SYNE2: variants seen among roughly 807,000 people sequenced by gnomAD.
SYNE2 encodes the protein spectrin repeat containing nuclear envelope protein 2.
A neutral mutation model predicts 856.3 loss-of-function variants in SYNE2; 431 were observed. That is an observed-to-expected ratio of 0.50 (90% CI 0.47 to 0.55). The LOEUF (loss-of-function observed/expected upper bound fraction) is 0.55, where lower values mean the gene tolerates loss of function less well. SYNE2 is among the 20% of genes least tolerant of loss of function. The probability of loss-of-function intolerance (pLI) is 0.00; values close to 1 mark genes in which losing one functional copy is unlikely to be tolerated. For missense variants in SYNE2, 8,129 were observed against 8,023.2 expected, an observed-to-expected ratio of 1.01 and a Z score of -0.50; for synonymous variants, 2,923 against 2,872.3, an observed-to-expected ratio of 1.02 and a Z score of -0.56.
intron 43 of SYNE2, among the ~76,000 whole-genome samples, chr14:64,029,442 C>G (rs2097013204): frequency 6.6e-6 from 1 of 152,140 alleles, no homozygotes; most frequent in Non-Finnish European, 1.5e-5. Context: ...TCCTAACACA[C>G]AGGTTTGGAG....
intron 11 of SYNE2, among the ~76,000 whole-genome samples, chr14:63,974,992 C>T (rs1223819516): frequency 2.7e-5 from 4 of 148,346 alleles, no homozygotes; most frequent in Admixed American, 2.0e-4. Flanking sequence ...CTGCAACCTC[C>T]GCCTGCCTGG....
intron 8 of SYNE2, among the ~76,000 whole-genome samples, chr14:63,958,347 G>A (rs1436572315): frequency 6.6e-6 from 1 of 152,084 alleles, no homozygotes; most frequent in Non-Finnish European, 1.5e-5. Flanking sequence ...TGACTGTGAC[G>A]GTTTCCCAGA....
At chr14:64,016,131 CT>C (rs1166359649) in intron 32 of SYNE2, among the ~76,000 whole-genome samples, 33 of 145,020 alleles carry the variant, frequency 2.3e-4, no homozygotes, top group South Asian at 4.4e-4. Flanking sequence ...GATGTAGGGA[CT>C]TTTTTTTTTA....
At chr14:64,154,274 G>C (rs1185962261) in intron 85 of SYNE2, among the ~76,000 whole-genome samples, 1 of 151,224 alleles carries the variant, frequency 6.6e-6, no homozygotes, top group Non-Finnish European at 1.5e-5. Flanking sequence ...GGGTTACCTA[G>C]AATGACACCA....
At chr14:63,773,610 A>G (rs1887002564) in intron 1 of SYNE2, among the ~76,000 whole-genome samples, 1 of 152,090 alleles carries the variant, frequency 6.6e-6, no homozygotes, top group Admixed American at 6.6e-5. Context: ...GAATATAGTG[A>G]TTATTTACAA....
At position 64,000,706 on chromosome 14, in the gene SYNE2, A is replaced by G; in HGVS notation, c.3625A>G (p.Thr1209Ala). 6.2e-7 allele frequency: 1 copy of G among 1,612,116 alleles called. No homozygotes were observed. The highest frequency in any genetic ancestry group is 1.1e-5 in the South Asian group (1 of 90,744). ...LKERERELQMTLNTRMESLET... is the reference protein window; with the variant it reads ...LKERERELQMALNTRMESLET... ...GGAAAGAGAAAGAGAGCTTCAGATG[A>G]CTCTTAATACCAGGTAAAATTCTGA... Residue 1209 changes from threonine (T) to alanine (A), a missense_variant, in exon 28 of 116, where the codon ACT (threonine) becomes GCT (alanine). Transcript: ENST00000555002.
Position 64,022,769 on chromosome 14 carries a change from A to G in SYNE2, c.5543A>G (p.Asn1848Ser). 6.2e-7 allele frequency: 1 copy of G among 1,602,862 alleles called. No homozygotes were observed. The highest frequency in any genetic ancestry group is 1.1e-5 in the South Asian group (1 of 90,478). ...KLLNDQCKNF[N>S]DWFSNIKVNL... ...CCTGCAGATCAATGCAAGAACTTTA[A>G]TGACTGGTTCAGCAACATTAAAGTG... The change falls in exon 38 of 116, where the codon AAT (asparagine) becomes AGT (serine). Residue 1848 changes from asparagine to serine, a missense_variant. Around this residue, in one of 3 missense-constraint regions of SYNE2, gnomAD observed 2,422 missense variants for 2,357.4 expected, o/e 1.03. Transcript: ENST00000555002.
chr14:64,122,108 G>A lies in SYNE2; in HGVS notation c.13255G>A (p.Asp4419Asn), dbSNP rs774059513. The A allele has an allele frequency of 5.6e-6, 9 of 1,613,944 alleles. No homozygotes were observed. The highest frequency in any genetic ancestry group is 2.2e-5 in the East Asian group (1 of 44,880). Residue 4419 changes from aspartate to asparagine, a missense_variant, in exon 69 of 116, where the codon GAT (aspartate) becomes AAT (asparagine). Physicochemically the swap from Asp to Asn is conservative, Grantham distance 23. Around this residue, in one of 3 missense-constraint regions of SYNE2, gnomAD observed 5,410 missense variants for 5,284.8 expected, o/e 1.02. Coordinates refer to ENST00000555002, the MANE Select transcript of SYNE2 (RefSeq NM_182914.3). ...MWPQYCQHDN[D>N]TTQESSASNQ... ...GCCCCAGTATTGCCAACATGATAAC[G>A]ATACAACTCAGGAATCATCTGCAAG...
intron 1 of SYNE2, among the ~76,000 whole-genome samples, chr14:63,835,575 G>A (rs1889826405): frequency 1.3e-5 from 2 of 151,816 alleles, no homozygotes; most frequent in Admixed American, 1.3e-4. Flanking sequence ...GCGTGTGTGT[G>A]TGTGTGTGTG....
chr14:64,055,437 C>T (rs556834009), intron 48 of SYNE2, among the ~76,000 whole-genome samples: 57 of 146,906 alleles, frequency 3.9e-4, no homozygotes, highest in Non-Finnish European at 5.9e-4. Context: ...GGCGCGATCT[C>T]GGCTCACTGC....
chr14:63,996,204 C>CT, intron 23 of SYNE2, among the ~76,000 whole-genome samples: 1 of 152,326 alleles, frequency 6.6e-6, no homozygotes, highest in East Asian at 1.9e-4. Flanking sequence ...TCCTCCCTTC[C>CT]TTTCCACTCA....
At chr14:63,990,277 T>C (rs2096657113) in intron 19 of SYNE2, 134 bp from the exon 20 acceptor site, 4 of 756,386 alleles carry the variant, frequency 5.3e-6, no homozygotes, top group Non-Finnish European at 8.7e-6. Context: ...CCTTAAAATA[T>C]CATTTTTCAG....
chr14:64,160,119 A>G (rs1275384883), intron 87 of SYNE2, among the ~76,000 whole-genome samples: 1 of 152,194 alleles, frequency 6.6e-6, no homozygotes, highest in African/African-American at 2.4e-5. Flanking sequence ...AAGGGACCCC[A>G]AATTATATAC....
At chr14:63,980,929 T>C in intron 15 of SYNE2, 57 bp from the exon 16 acceptor site, 2 of 1,213,984 alleles carry the variant, frequency 1.6e-6, no homozygotes, top group Middle Eastern at 2.8e-4. Context: ...TATTTTTAAA[T>C]AGTATTAATA....
At chr14:64,136,700 A>G (rs1430145179) in intron 78 of SYNE2, among the ~76,000 whole-genome samples, 1 of 152,154 alleles carries the variant, frequency 6.6e-6, no homozygotes, top group East Asian at 1.9e-4. Context: ...ATTTTTCTAA[A>G]GTTTTCTTCC....
intron 1 of SYNE2, among the ~76,000 whole-genome samples, chr14:63,898,649 C>T (rs1234539715): frequency 1.3e-5 from 2 of 152,104 alleles, no homozygotes; most frequent in Admixed American, 1.3e-4. Flanking sequence ...AAGCGATTCG[C>T]CCACCTTGGC....
At chr14:63,985,737 A>G (rs1019262399) in intron 18 of SYNE2, among the ~76,000 whole-genome samples, 3 of 152,232 alleles carry the variant, frequency 2.0e-5, no homozygotes, top group Admixed American at 6.5e-5. Context: ...ATCATTGGCC[A>G]GGCATAGTGT....
At chr14:64,074,929 A>G (rs1025611150) in intron 53 of SYNE2, among the ~76,000 whole-genome samples, 4 of 151,928 alleles carry the variant, frequency 2.6e-5, no homozygotes, top group African/African-American at 9.7e-5. Flanking sequence ...TGGTTATTAT[A>G]TTGGAAAGTA....
At chr14:63,837,825 A>T (rs1003969297) in intron 1 of SYNE2, among the ~76,000 whole-genome samples, 1 of 149,038 alleles carries the variant, frequency 6.7e-6, no homozygotes, top group Non-Finnish European at 1.5e-5. Context: ...AGGCTGAGGT[A>T]GAAGGATTGC....
Sources: gnomAD v4.1 joint callset for allele counts (sites outside exome capture counted in the v4.1 genomes callset) on GRCh38, gnomAD v4.1.1 for gene constraint, gnomAD v4.1.1 regional missense constraint, MANE v1.5 for transcripts, NCBI Gene and HGNC (gene_info 2026-07-23, HGNC 2026-07-21) for gene names.